The following NLGN4X variants were observed in gnomAD, a reference collection of about 807,000 sequenced individuals.
NLGN4X encodes neuroligin-4, X-linked.
NLGN4X carries 3 observed loss-of-function variants against 40.3 expected under a neutral mutation model. The observed-to-expected ratio is 0.07, with a 90% CI of 0.03 to 0.19. The LOEUF (loss-of-function observed/expected upper bound fraction) is 0.19. Ranked by LOEUF, NLGN4X falls within the 10% of genes least tolerant of loss-of-function variation. The pLI is 1.00. For missense variants in NLGN4X, 382 were observed against 708.3 expected (o/e 0.54, Z 5.23); for synonymous variants, 270 against 306.8 (o/e 0.88, Z 1.25).
chrX:6,226,379 G>C (rs1926322003), intron 1 of NLGN4X, among the ~76,000 whole-genome samples: 1 of 110,484 alleles, frequency 9.1e-6, no homozygotes, highest in Non-Finnish European at 1.9e-5. Context: ...GACGTCCTCC[G>C]GCTGCCCCTC....
At chrX:6,077,118 T>C (rs1381302931) in intron 2 of NLGN4X, among the ~76,000 whole-genome samples, 1 of 112,257 alleles carries the variant, frequency 8.9e-6, no homozygotes, top group East Asian at 2.8e-4. Context: ...TCCCTGACAT[T>C]TGCACAAGTG....
intron 3 of NLGN4X, among the ~76,000 whole-genome samples, chrX:5,937,386 T>A (rs1330946301): frequency 9.0e-6 from 1 of 111,266 alleles, no homozygotes; most frequent in Admixed American, 9.6e-5. Context: ...ACCCAGTCTT[T>A]CATGTTGATA....
intron 2 of NLGN4X, among the ~76,000 whole-genome samples, chrX:6,122,000 G>A (rs1333815650): frequency 2.7e-5 from 3 of 112,472 alleles, no homozygotes; most frequent in Non-Finnish European, 5.6e-5. Flanking sequence ...AAAGAATCAG[G>A]CTGGCGAAAT....
chrX:6,002,164 T>C (rs2035988235), intron 3 of NLGN4X, among the ~76,000 whole-genome samples: 1 of 111,679 alleles, frequency 9.0e-6, no homozygotes, highest in African/African-American at 3.3e-5. Flanking sequence ...TGTTTGTGCA[T>C]GAGACTAGAA....
chrX:6,047,434 C>A (rs1288502180), intron 2 of NLGN4X, among the ~76,000 whole-genome samples: 3 of 111,689 alleles, frequency 2.7e-5, no homozygotes, highest in Admixed American at 9.5e-5. Context: ...TACGATCATG[C>A]TACTGCACTC....
At chrX:6,132,912 G>A (rs1409137678) in intron 2 of NLGN4X, among the ~76,000 whole-genome samples, 1 of 111,210 alleles carries the variant, frequency 9.0e-6, no homozygotes, top group African/African-American at 3.3e-5. Flanking sequence ...GGAGACAGGA[G>A]GGCATTCATT....
At chrX:6,139,178 TGGA>T (rs893152835) in intron 2 of NLGN4X, among the ~76,000 whole-genome samples, 5 of 111,955 alleles carry the variant, frequency 4.5e-5, no homozygotes, top group African/African-American at 1.6e-4. Context: ...AATAGAAATT[TGGA>T]GGAGACTGAA....
At chrX:6,221,613 A>G (rs923069194) in intron 1 of NLGN4X, among the ~76,000 whole-genome samples, 1 of 109,089 alleles carries the variant, frequency 9.2e-6, no homozygotes, top group Non-Finnish European at 1.9e-5. Flanking sequence ...ACAGTTAACA[A>G]TGACATATTT....
At chrX:6,170,663 G>C (rs1021442342) in intron 1 of NLGN4X, among the ~76,000 whole-genome samples, 2 of 112,099 alleles carry the variant, frequency 1.8e-5, no homozygotes, top group Admixed American at 1.9e-4. Context: ...GACCACACTT[G>C]CTTTAGAAAG....
chrX:5,913,071 A>AAAGG (rs754665190), intron 3 of NLGN4X, among the ~76,000 whole-genome samples: 205 of 92,639 alleles, frequency 2.2e-3, no homozygotes, highest in Middle Eastern at 6.2e-3. Context: ...AGGAAGGAAG[A>AAAGG]AAGGAAGGAA....
chrX:6,144,864 G>A (rs1170318009), intron 2 of NLGN4X, among the ~76,000 whole-genome samples: 1 of 111,149 alleles, frequency 9.0e-6, no homozygotes, highest in Non-Finnish European at 1.9e-5. Flanking sequence ...GAAGAAGTCA[G>A]GTGCCATGCC....
chrX:5,981,497 T>C (rs747975698), intron 3 of NLGN4X, among the ~76,000 whole-genome samples: 1 of 107,995 alleles, frequency 9.3e-6, no homozygotes, highest in Non-Finnish European at 1.9e-5. Context: ...TAAAGCCTAC[T>C]AGATAATGAG....
At chrX:6,031,690 C>T (rs2036861020) in intron 2 of NLGN4X, among the ~76,000 whole-genome samples, 1 of 110,396 alleles carries the variant, frequency 9.1e-6, no homozygotes, top group East Asian at 2.9e-4. Context: ...ATGCATTTTG[C>T]TACCCAGATG....
chrX:6,171,815 G>A (rs1267936301), intron 1 of NLGN4X, among the ~76,000 whole-genome samples: 1 of 111,375 alleles, frequency 9.0e-6, no homozygotes, highest in Admixed American at 9.5e-5. Context: ...ATATTGAATT[G>A]TAATCCCCAG....
At chrX:6,107,358 C>T (rs1187956452) in intron 2 of NLGN4X, among the ~76,000 whole-genome samples, 1 of 110,988 alleles carries the variant, frequency 9.0e-6, no homozygotes, top group Admixed American at 9.7e-5. Flanking sequence ...CTACTTAGCA[C>T]TCCCCAAGCA....
At chrX:6,126,242 C>T (rs1024180337) in intron 2 of NLGN4X, among the ~76,000 whole-genome samples, 3 of 111,425 alleles carry the variant, frequency 2.7e-5, no homozygotes, top group South Asian at 3.7e-4. Flanking sequence ...CTCTCCTCAA[C>T]GCTGCATTTA....
At chrX:5,924,621 G>A (rs748718502) in intron 3 of NLGN4X, among the ~76,000 whole-genome samples, 6 of 111,790 alleles carry the variant, frequency 5.4e-5, no homozygotes, top group East Asian at 2.8e-4. Context: ...ATCAATCAAC[G>A]AGCGGATAAA....
At chrX:6,144,993 A>G (rs940621695) in intron 2 of NLGN4X, among the ~76,000 whole-genome samples, 1 of 110,922 alleles carries the variant, frequency 9.0e-6, no homozygotes, top group African/African-American at 3.3e-5. Flanking sequence ...CTATCTCTCA[A>G]AATTAGGAAT....
chrX:5,901,838 G>A (rs1300255536), intron 5 of NLGN4X, among the ~76,000 whole-genome samples: 3 of 103,219 alleles, frequency 2.9e-5, no homozygotes, highest in South Asian at 8.2e-4. Context: ...ATATATATTT[G>A]TATTTGTATA....
Sources: allele counts gnomAD v4.1 joint callset (sites outside exome capture counted in the v4.1 genomes callset), GRCh38; gene constraint gnomAD v4.1.1; transcripts MANE v1.5; gene names NCBI Gene and HGNC (gene_info 2026-07-23, HGNC 2026-07-21).